Variants in LYPD6 observed in about 807,000 individuals in gnomAD.
The protein encoded by LYPD6 is ly6/PLAUR domain-containing protein 6.
LYPD6 carries 15 observed loss-of-function variants against 22.7 expected under a neutral mutation model. The ratio of observed to expected loss-of-function variants is 0.66; its 90% CI spans 0.44 to 1.02. The LOEUF is 1.02. Ranked by LOEUF, LYPD6 falls within the 50% of genes least tolerant of loss-of-function variation. The pLI, the probability that LYPD6 is intolerant of heterozygous loss-of-function variation, is 0.00. For missense variants in LYPD6, 189 were observed against 208.4 expected, an observed-to-expected ratio of 0.91 and a Z score of 0.57; for synonymous variants, 72 against 77.5, an observed-to-expected ratio of 0.93 and a Z score of 0.37.
At chr2:149,417,750 A>G (rs539624267) in intron 1 of LYPD6, among the ~76,000 whole-genome samples, 1 of 152,372 alleles carries the variant, frequency 6.6e-6, no homozygotes, top group African/African-American at 2.4e-5. Flanking sequence ...ATATTAATTC[A>G]TATTGAATTA....
intron 3 of LYPD6, among the ~76,000 whole-genome samples, chr2:149,449,405 G>A (rs752507772): frequency 7.9e-5 from 12 of 152,114 alleles, no homozygotes; most frequent in Non-Finnish European, 1.0e-4. Context: ...GTACCCCCGG[G>A]CCCAGTCAAA....
At chr2:149,449,203 C>A in intron 3 of LYPD6, 56 bp downstream of exon 3, 1 of 1,212,920 alleles carries the variant, frequency 8.2e-7, no homozygotes, top group South Asian at 1.3e-5. Context: ...GTGAACAGCC[C>A]TTTTGACTTT....
intron 1 of LYPD6, among the ~76,000 whole-genome samples, chr2:149,433,865 CT>C (rs1011135603): frequency 6.6e-6 from 1 of 152,048 alleles, no homozygotes; most frequent in African/African-American, 2.4e-5. Context: ...TGAGCCTTGG[CT>C]TTTTGGTATT....
At chr2:149,485,608 C>T in the LYPD6 span, among the ~76,000 whole-genome samples, 1 of 152,158 alleles carries the variant, frequency 6.6e-6, no homozygotes, top group Non-Finnish European at 1.5e-5. Context: ...GAAACCTGCT[C>T]TGTTTGTCTG....
Position 149,379,639 on chromosome 2 carries a change from C to T in LYPD6, c.-72+48917C>T, listed in dbSNP as rs567977771. ...AGGAAAGGCTGTGGGCTGGAAAGAG[C>T]CCTGAGCTCAGCTGTGTCTCATGTC... is the stretch of plus-strand genomic sequence containing the variant. On this transcript the variant is annotated intron_variant, in intron 1 of 4. Transcript: ENST00000334166. 1.2e-4 allele frequency among the ~76,000 whole-genome samples: 18 copies of T among 152,294 alleles called. No homozygotes were observed. The South Asian group carries it at 2.1e-3, about 18-fold the overall frequency.
At chr2:149,465,728 G>A (rs1681185174) in intron 3 of LYPD6, among the ~76,000 whole-genome samples, 1 of 152,156 alleles carries the variant, frequency 6.6e-6, no homozygotes, top group Non-Finnish European at 1.5e-5. Flanking sequence ...TTAACTTTCA[G>A]AACGAGATTA....
intron 3 of LYPD6, among the ~76,000 whole-genome samples, chr2:149,468,326 C>T (rs79514776): frequency 6.6e-6 from 1 of 152,058 alleles, no homozygotes; most frequent in Non-Finnish European, 1.5e-5. Flanking sequence ...AAATCATCCC[C>T]GCAAAACCAC....
chr2:149,400,615 A>G (rs527264644), intron 1 of LYPD6, among the ~76,000 whole-genome samples: 2 of 72,290 alleles, frequency 2.8e-5, no homozygotes, highest in African/African-American at 5.7e-5. Flanking sequence ...AATGTCGTAT[A>G]TAAACTTCCT....
intron 1 of LYPD6, among the ~76,000 whole-genome samples, chr2:149,424,020 G>A (rs1330487352): frequency 1.3e-5 from 2 of 152,162 alleles, no homozygotes; most frequent in Non-Finnish European, 1.5e-5. Context: ...AGATTTCCCC[G>A]AAAGATGCCA....
intron 1 of LYPD6, among the ~76,000 whole-genome samples, chr2:149,422,619 G>A (rs1683105275): frequency 6.6e-6 from 1 of 152,112 alleles, no homozygotes; most frequent in East Asian, 1.9e-4. Flanking sequence ...GAGCATTTAA[G>A]AACTATTCTC....
chr2:149,348,679 T>G (rs1160489651), intron 1 of LYPD6, among the ~76,000 whole-genome samples: 4 of 152,262 alleles, frequency 2.6e-5, no homozygotes, highest in African/African-American at 9.6e-5. Context: ...ATGTTGATTC[T>G]TCCCCCACTC....
At chr2:149,337,551 A>C (rs1005339469) in intron 1 of LYPD6, among the ~76,000 whole-genome samples, 2 of 151,946 alleles carry the variant, frequency 1.3e-5, no homozygotes, top group African/African-American at 4.8e-5. Flanking sequence ...TCTCTCTTTC[A>C]GCCTTTGGCT....
At chr2:149,332,442 A>T (rs1680956813) in intron 1 of LYPD6, among the ~76,000 whole-genome samples, 1 of 152,154 alleles carries the variant, frequency 6.6e-6, no homozygotes, top group Admixed American at 6.5e-5. Context: ...TAGGCAAATA[A>T]TATCAAGTAA....
chr2:149,358,524 A>G (rs1396572590), intron 1 of LYPD6, among the ~76,000 whole-genome samples: 1 of 152,210 alleles, frequency 6.6e-6, no homozygotes, highest in African/African-American at 2.4e-5. Flanking sequence ...ATCAAGTCCT[A>G]GAGCATAAAG....
At chr2:149,391,544 G>A (rs1419694831) in intron 1 of LYPD6, among the ~76,000 whole-genome samples, 2 of 151,948 alleles carry the variant, frequency 1.3e-5, no homozygotes, top group African/African-American at 4.8e-5. Context: ...AGCTAAGATT[G>A]TATAATTATG....
intron 1 of LYPD6, among the ~76,000 whole-genome samples, chr2:149,420,105 T>A (rs1349027576): frequency 6.6e-6 from 1 of 152,192 alleles, no homozygotes; most frequent in Non-Finnish European, 1.5e-5. Context: ...GGCCAGAAAG[T>A]ATGCCACCTT....
chr2:149,353,600 C>T (rs1031972534), intron 1 of LYPD6, among the ~76,000 whole-genome samples: 4 of 152,054 alleles, frequency 2.6e-5, no homozygotes, highest in East Asian at 1.9e-4. Flanking sequence ...TACAGATGGT[C>T]GGTGTCATTT....
At chr2:149,388,177 TCTC>T (rs138374805) in intron 1 of LYPD6, among the ~76,000 whole-genome samples, 73,976 of 145,388 alleles carry the variant, frequency 0.51, 20,736 homozygotes, top group East Asian at 0.77. Flanking sequence ...TCTCTCTCTC[TCTC>T]TTTTTTTTTT....
At chr2:149,416,241 A>G (rs1682959871) in intron 1 of LYPD6, among the ~76,000 whole-genome samples, 2 of 152,190 alleles carry the variant, frequency 1.3e-5, no homozygotes, top group Non-Finnish European at 2.9e-5. Context: ...TGAGTTCTCC[A>G]TATCCCTAAT....
Sources: allele counts gnomAD v4.1 joint callset (sites outside exome capture counted in the v4.1 genomes callset), GRCh38; gene constraint gnomAD v4.1.1; transcripts MANE v1.5; gene names NCBI Gene and HGNC (gene_info 2026-07-23, HGNC 2026-07-21).